Variants in RBM6 observed in about 807,000 individuals in gnomAD.
RBM6 encodes the protein RNA-binding protein 6.
RBM6 carries 23 observed loss-of-function variants against 140.4 expected under a neutral mutation model. The observed-to-expected ratio is 0.16, with a 90% CI of 0.12 to 0.23. The LOEUF (loss-of-function observed/expected upper bound fraction) is 0.23, where lower values mean the gene tolerates loss of function less well. RBM6 is among the 10% of genes least tolerant of loss of function. The pLI, the probability that RBM6 is intolerant of heterozygous loss-of-function variation, is 1.00. For synonymous variants in RBM6, 439 were observed against 475.6 expected (o/e 0.92, Z 1.00); for missense variants, 1,139 against 1,386.7 (o/e 0.82, Z 2.84).
chr3:50,035,072 C>T (rs1559613239), intron 6 of RBM6, among the ~76,000 whole-genome samples: 1 of 149,200 alleles, frequency 6.7e-6, no homozygotes, highest in East Asian at 2.0e-4. Context: ...CTCCCCTCCC[C>T]TCTCTTTATC....
chr3:49,962,431 C>CA (rs201474763), intron 1 of RBM6, 145 bp from the exon 2 acceptor site: 66,169 of 412,276 alleles, frequency 0.16, 1,018 homozygotes, highest in African/African-American at 0.2. Flanking sequence ...GACTCCATCT[C>CA]AAAAAAAAAA....
intron 18 of RBM6, among the ~76,000 whole-genome samples, chr3:50,069,699 C>G (rs1447609234): frequency 6.6e-6 from 1 of 151,888 alleles, no homozygotes; most frequent in East Asian, 1.9e-4. Context: ...CAAAACCAAA[C>G]AAAAGAATCC....
intron 6 of RBM6, among the ~76,000 whole-genome samples, chr3:50,010,900 CAAAAAAAAAAA>C (rs776065398): frequency 1.1e-4 from 6 of 52,236 alleles, no homozygotes; most frequent in Admixed American, 3.3e-4. Context: ...AAGACTGTCT[CAAAAAAAAAAA>C]AAAAAAAAAA....
intron 6 of RBM6, chr3:50,047,065 C>A: frequency 3.3e-6 from 2 of 597,208 alleles, no homozygotes; most frequent in Non-Finnish European, 4.2e-6. Flanking sequence ...AGACCAGATG[C>A]TAAGACCTAG....
chr3:49,967,415 G>T lies in RBM6; in HGVS notation c.45-55G>T, dbSNP rs186823395. On this transcript the variant is annotated intron_variant, in intron 2 of 20. Transcript: ENST00000266022. The surrounding 1 kb of genome is among the most constrained non-coding windows in gnomAD (Gnocchi z 4.0). ...TGTGATTAGAGAAGAATATGCTGGT[G>T]TGTAGATTTCAAACTCTCTGGACAA... is the stretch of plus-strand genomic sequence containing the variant. 1.9e-6 allele frequency: 3 copies of T among 1,562,838 alleles called. No homozygotes were observed. Among genetic ancestry groups the T allele is most frequent in the Admixed American group, 3.8e-5 (2 of 52,706 alleles).
chr3:49,994,669 G>GGTGTGTGTGTGTGTGTGT (rs59949998), intron 5 of RBM6, among the ~76,000 whole-genome samples: 2,797 of 148,210 alleles, frequency 0.019, 57 homozygotes, highest in African/African-American at 0.051. Flanking sequence ...AAGGCTGTGG[G>GGTGTGTGTGTGTGTGTGT]GTGTGTGTGT....
chr3:50,027,085 G>A (rs1414806366), intron 6 of RBM6, among the ~76,000 whole-genome samples: 1 of 152,108 alleles, frequency 6.6e-6, no homozygotes, highest in African/African-American at 2.4e-5. Flanking sequence ...GTAAGTGGGA[G>A]CTAGAGCTTT....
intron 6 of RBM6, among the ~76,000 whole-genome samples, chr3:50,028,227 A>G (rs1023659210): frequency 2.6e-5 from 4 of 152,104 alleles, no homozygotes; most frequent in African/African-American, 9.7e-5. Flanking sequence ...TTCAGAGTCA[A>G]CCATTGAATA....
chr3:50,038,297 G>C (rs2088666786), intron 6 of RBM6, among the ~76,000 whole-genome samples: 1 of 152,086 alleles, frequency 6.6e-6, no homozygotes, highest in East Asian at 1.9e-4. Flanking sequence ...CTGCCATTAA[G>C]TTTTTAAGAA....
chr3:50,048,615 C>T (rs933624626), intron 7 of RBM6, among the ~76,000 whole-genome samples: 23 of 152,240 alleles, frequency 1.5e-4, no homozygotes, highest in African/African-American at 4.8e-4. Context: ...AATATCTTCT[C>T]ACCTCTCCTG....
At chr3:49,953,376 C>T (rs1279971622) in intron 1 of RBM6, among the ~76,000 whole-genome samples, 4 of 151,984 alleles carry the variant, frequency 2.6e-5, no homozygotes, top group African/African-American at 7.2e-5. Flanking sequence ...TGTGCCACCA[C>T]GCCCAGCTAA....
At chr3:49,964,299 G>A (rs1480050315) in intron 2 of RBM6, among the ~76,000 whole-genome samples, 1 of 152,106 alleles carries the variant, frequency 6.6e-6, no homozygotes, top group African/African-American at 2.4e-5. Flanking sequence ...GAAAAATTTA[G>A]GTGGAGAACT....
In RBM6 at chr3:49,972,030, G is replaced by T. The variant is rs747317175; in HGVS notation, c.1324-29G>T. 5 of 1,510,746 alleles carry T rather than the reference G, an allele frequency of 3.3e-6. No homozygotes were observed. In the South Asian group the frequency reaches 5.8e-5, roughly 17 times the overall value. 93.6% of individuals were successfully genotyped at this position (1,510,746 alleles called of 1,614,324 possible). The stretch of plus-strand genomic sequence containing the variant: ...GTGTTTTGTGCAGTAAAGTATATTT[G>T]TGAAATAATTTTTCATTCTCAATTT... On this transcript the variant is annotated intron_variant, in intron 3 of 20. Coordinates refer to ENST00000266022, the MANE Select transcript of RBM6 (RefSeq NM_005777.3).
Position 49,967,816 on chromosome 3 carries a change from C to T in RBM6, c.391C>T (p.Pro131Ser). The change falls in exon 3 of 21, where the codon CCA becomes TCA. Residue 131 changes from proline to serine, a missense_variant. Physicochemically the swap from Pro to Ser is moderately conservative, Grantham distance 74 (BLOSUM62 -1). Around this residue, in one of 9 missense-constraint regions of RBM6, gnomAD observed 566 missense variants for 612.7 expected, o/e 0.92. Transcript: ENST00000266022. This position sits in a 1 kb window ranked among gnomAD's most constrained non-coding sequence, Gnocchi z 4.0. ...HSGDFRDREGPPMDYRGGDGT... is the reference protein window; with the variant it reads ...HSGDFRDREGSPMDYRGGDGT... ...TGGGGATTTTCGGGATAGAGAAGGA[C>T]CACCTATGGACTATAGGGGTGGAGA... 1 of 1,613,962 alleles carries T rather than the reference C, an allele frequency of 6.2e-7. No homozygotes were observed. The highest frequency in any genetic ancestry group is 8.5e-7 in the Non-Finnish European group (1 of 1,180,018).
At chr3:50,072,051 T>C (rs1324672652) in intron 19 of RBM6, among the ~76,000 whole-genome samples, 1 of 133,588 alleles carries the variant, frequency 7.5e-6, no homozygotes, top group Non-Finnish European at 1.5e-5. Flanking sequence ...GCCACTGCAC[T>C]CTAGCCTGGG....
intron 6 of RBM6, among the ~76,000 whole-genome samples, chr3:50,039,915 TG>T (rs1458728473): frequency 6.6e-6 from 1 of 152,178 alleles, no homozygotes; most frequent in Non-Finnish European, 1.5e-5. Flanking sequence ...CAAATACAAA[TG>T]TAATGGAACC....
chr3:50,072,803 C>A (rs186622399), intron 19 of RBM6, among the ~76,000 whole-genome samples: 2 of 152,272 alleles, frequency 1.3e-5, no homozygotes, highest in African/African-American at 4.8e-5. Context: ...AGTCAGCCAT[C>A]AGGAGGAAGG....
chr3:49,978,192 G>A (rs34691305), intron 5 of RBM6, among the ~76,000 whole-genome samples: 3,068 of 152,070 alleles, frequency 0.02, 45 homozygotes, highest in Non-Finnish European at 0.03. Context: ...GTAGAGGCGC[G>A]GTCTCACTAT....
At chr3:50,054,418 G>A (rs1575823490) in intron 8 of RBM6, 23 bp downstream of exon 8, 6 of 1,583,950 alleles carry the variant, frequency 3.8e-6, no homozygotes, top group Non-Finnish European at 5.2e-6. Context: ...AGTGGTAGCA[G>A]TTTTTATCTC....
Sources: gnomAD v4.1 joint callset for allele counts (sites outside exome capture counted in the v4.1 genomes callset) on GRCh38, gnomAD v4.1.1 for gene constraint, gnomAD v4.1.1 regional missense constraint, Gnocchi (gnomAD v3.1) non-coding constraint, MANE v1.5 for transcripts, NCBI Gene and HGNC (gene_info 2026-07-23, HGNC 2026-07-21) for gene names.